The following TRAK1 variants were observed in gnomAD, a reference collection of about 807,000 sequenced individuals.
TRAK1 encodes the protein trafficking kinesin-binding protein 1.
Under a neutral mutation model 92.1 loss-of-function variants are expected in TRAK1, and 33 were observed. That is an observed-to-expected ratio of 0.36 (90% CI 0.27 to 0.48). The LOEUF (loss-of-function observed/expected upper bound fraction) is 0.48, where lower values mean the gene tolerates loss of function less well. TRAK1 is among the 20% of genes least tolerant of loss of function. TRAK1 has a pLI of 0.99. For missense variants in TRAK1, 1,123 were observed against 1,257.9 expected (o/e 0.89, Z 1.62); for synonymous variants, 521 against 517.3 (o/e 1.01, Z -0.10).
intron 1 of TRAK1, among the ~76,000 whole-genome samples, chr3:42,033,901 C>T (rs72867920): frequency 0.016 from 2,409 of 152,226 alleles, 58 homozygotes; most frequent in African/African-American, 0.055. Context: ...CCTGACATAC[C>T]GCTGCATCAT....
intron 1 of TRAK1, among the ~76,000 whole-genome samples, chr3:42,100,878 A>G (rs1009348346): frequency 6.6e-6 from 1 of 151,978 alleles, no homozygotes; most frequent in Admixed American, 6.6e-5. Context: ...CATATTGGCC[A>G]GGCTGTCTCG....
chr3:42,040,681 T>A (rs1184746758), intron 1 of TRAK1, among the ~76,000 whole-genome samples: 1 of 117,124 alleles, frequency 8.5e-6, no homozygotes, highest in Non-Finnish European at 1.9e-5. Flanking sequence ...GTACTACACC[T>A]TTTTTTTTTT....
intron 1 of TRAK1, among the ~76,000 whole-genome samples, chr3:42,102,842 A>G (rs1392493330): frequency 7.4e-6 from 1 of 134,262 alleles, no homozygotes; most frequent in Non-Finnish European, 1.6e-5. Context: ...AAAGTTCTCC[A>G]GGGACCCTCC....
chr3:42,066,155 G>A (rs776753059), intron 1 of TRAK1, among the ~76,000 whole-genome samples: 10 of 151,938 alleles, frequency 6.6e-5, no homozygotes, highest in Non-Finnish European at 1.2e-4. Flanking sequence ...GCAAAACCCC[G>A]TCTCTGCTAA....
intron 6 of TRAK1, 70 bp from the exon 7 acceptor site, chr3:42,191,488 G>C: frequency 7.0e-7 from 1 of 1,434,992 alleles, no homozygotes; most frequent in Non-Finnish European, 9.5e-7. Context: ...TTTGCTTTAT[G>C]CCTCAGCCCT....
rs74396540 is a variant in TRAK1 at position 42,032,492 on chromosome 3, A to C, written c.-519+18375A>C. Among the ~76,000 whole-genome samples, 30 of 152,238 alleles carry C rather than the reference A, an allele frequency of 2.0e-4. No individual in the cohort carries two copies. The East Asian group carries it at 4.6e-3, about 23-fold the overall frequency. On this transcript the variant is annotated intron_variant, in intron 1 of 16. Transcript: ENST00000487159. ...AGTGGGTCAACCTGAAAAAAAAAAA[A>C]AAAACCATCTTTGCAACCTCCAGCC...
chr3:42,200,671 A>T, intron 11 of TRAK1, 147 bp from the exon 12 acceptor site: 1 of 749,026 alleles, frequency 1.3e-6, no homozygotes, highest in Non-Finnish European at 2.3e-6. Context: ...TACCCTAAGA[A>T]ACAGGTGGCA....
At chr3:42,091,311 T>C, upstream of TRAK1, 1 of 662,932 alleles carries the variant, frequency 1.5e-6, no homozygotes, top group Non-Finnish European at 2.6e-6. Context: ...CCATTGTGCT[T>C]CCAGGACAGC....
chr3:42,027,129 AC>A (rs1349731847), intron 1 of TRAK1, among the ~76,000 whole-genome samples: 2 of 152,158 alleles, frequency 1.3e-5, no homozygotes, highest in Non-Finnish European at 2.9e-5. Context: ...AAAATTAATT[AC>A]CCCATCATTT....
rs1707754878 is a variant in TRAK1 at position 42,202,392 on chromosome 3, G to A, written c.1428-44G>A. 1.4e-6 allele frequency: 2 copies of A among 1,449,076 alleles called. No homozygotes were observed. Among genetic ancestry groups the A allele is most frequent in the Non-Finnish European group, 1.8e-6 (2 of 1,095,566 alleles). 89.8% of individuals were successfully genotyped at this position (1,449,076 alleles called of 1,614,324 possible). A position where few individuals can be genotyped will look rare whatever the true frequency, so the allele number is the denominator to read the frequency against. On this transcript the variant is annotated intron_variant, in intron 12 of 15. Coordinates refer to ENST00000327628, the MANE Select transcript of TRAK1 (RefSeq NM_001042646.3). The surrounding 1 kb of genome is among the most constrained non-coding windows in gnomAD (Gnocchi z 6.1). The stretch of plus-strand genomic sequence containing the variant: ...GAGCAGTCGGGCCTCTGTGGCCTTG[G>A]AGCCCTGCTGGCATTCCACCCTCAC...
At chr3:42,056,503 CAG>C (rs1254534209) in intron 1 of TRAK1, among the ~76,000 whole-genome samples, 5 of 151,954 alleles carry the variant, frequency 3.3e-5, no homozygotes, top group Non-Finnish European at 5.9e-5. Flanking sequence ...TATTGGATAA[CAG>C]ATGTTAAAAA....
chr3:42,052,623 A>G (rs1422983911), intron 1 of TRAK1, among the ~76,000 whole-genome samples: 4 of 151,806 alleles, frequency 2.6e-5, no homozygotes, highest in Non-Finnish European at 5.9e-5. Flanking sequence ...AACTTGGGCT[A>G]CTCTGCGTCA....
chr3:42,132,425 G>A (rs898040858), intron 2 of TRAK1, among the ~76,000 whole-genome samples: 4 of 151,288 alleles, frequency 2.6e-5, no homozygotes, highest in African/African-American at 9.7e-5. Context: ...ACCATGCCTC[G>A]CTAACTTTCA....
chr3:42,048,684 C>A (rs1005322088), intron 1 of TRAK1, among the ~76,000 whole-genome samples: 2 of 151,724 alleles, frequency 1.3e-5, no homozygotes, highest in African/African-American at 2.4e-5. Context: ...ATCTCAGCTT[C>A]CTGAGTAGCT....
At chr3:42,037,319 T>G (rs1478714177) in intron 1 of TRAK1, among the ~76,000 whole-genome samples, 1 of 152,218 alleles carries the variant, frequency 6.6e-6, no homozygotes. Flanking sequence ...TTTTCCTTAA[T>G]TATCTTATTC....
At chr3:42,131,304 A>C (rs764462307) in intron 2 of TRAK1, among the ~76,000 whole-genome samples, 1 of 152,152 alleles carries the variant, frequency 6.6e-6, no homozygotes, top group Non-Finnish European at 1.5e-5. Flanking sequence ...ACTTGCCCCC[A>C]GAGTTCCCTT....
At chr3:42,201,139 AG>A (rs1405324849) in intron 12 of TRAK1, 85 bp downstream of exon 12, 4 of 1,429,618 alleles carry the variant, frequency 2.8e-6, no homozygotes, top group Non-Finnish European at 9.8e-7. Context: ...AATTATTAAG[AG>A]GGAGGTAGAT....
chr3:42,153,662 G>A (rs995204932), intron 2 of TRAK1, among the ~76,000 whole-genome samples: 1 of 152,170 alleles, frequency 6.6e-6, no homozygotes, highest in African/African-American at 2.4e-5. Flanking sequence ...ATACGCAAGG[G>A]CAGTCTGGTG....
intron 2 of TRAK1, among the ~76,000 whole-genome samples, chr3:42,132,403 C>T (rs991008775): frequency 6.6e-6 from 1 of 151,530 alleles, no homozygotes; most frequent in Non-Finnish European, 1.5e-5. Flanking sequence ...GTTGGGACTA[C>T]AGGCACATGC....
Sources: gnomAD v4.1 joint callset for allele counts (sites outside exome capture counted in the v4.1 genomes callset) on GRCh38, gnomAD v4.1.1 for gene constraint, Gnocchi (gnomAD v3.1) non-coding constraint, MANE v1.5 for transcripts, NCBI Gene and HGNC (gene_info 2026-07-23, HGNC 2026-07-21) for gene names.